Variants in SYCP1 observed in about 807,000 individuals in gnomAD.
SYCP1 encodes synaptonemal complex protein 1, also known as cancer/testis antigen 8.
A neutral mutation model predicts 153.1 loss-of-function variants in SYCP1; 64 were observed. The observed-to-expected ratio is 0.42, with a 90% CI of 0.34 to 0.51. The LOEUF (loss-of-function observed/expected upper bound fraction) is 0.51. SYCP1 is among the 20% of genes least tolerant of loss of function. The pLI, the probability that SYCP1 is intolerant of heterozygous loss-of-function variation, is 0.06. For synonymous variants in SYCP1, 384 were observed against 341.8 expected (o/e 1.12, Z -1.36); for missense variants, 997 against 1,049.0 (o/e 0.95, Z 0.68).
At chr1:114,926,440 C>A in intron 22 of SYCP1, 61 bp from the exon 23 acceptor site, 1 of 1,486,960 alleles carries the variant, frequency 6.7e-7, no homozygotes, top group South Asian at 1.4e-5. Context: ...AAGTCTAAGT[C>A]AGTAGCAAGG....
chr1:114,907,409 C>T (rs901497571), intron 16 of SYCP1, among the ~76,000 whole-genome samples: 2 of 151,970 alleles, frequency 1.3e-5, no homozygotes, highest in South Asian at 4.2e-4. Flanking sequence ...AAACTCTCTG[C>T]CTTCTTTTGG....
chr1:114,931,122 G>A (rs912019798), intron 23 of SYCP1, among the ~76,000 whole-genome samples: 1 of 151,770 alleles, frequency 6.6e-6, no homozygotes, highest in Admixed American at 6.6e-5. Flanking sequence ...GAATAGATAA[G>A]GACTTCTCCA....
chr1:114,931,384 A>G (rs1050695002), intron 23 of SYCP1, among the ~76,000 whole-genome samples: 7 of 152,142 alleles, frequency 4.6e-5, no homozygotes, highest in African/African-American at 1.7e-4. Context: ...GAATTTGACA[A>G]AGTCACTGGA....
At chr1:114,943,369 A>G (rs966401867) in intron 23 of SYCP1, among the ~76,000 whole-genome samples, 2 of 151,924 alleles carry the variant, frequency 1.3e-5, no homozygotes, top group Non-Finnish European at 2.9e-5. Context: ...AATTGATTAC[A>G]TAAACAGTGT....
In SYCP1 at chr1:114,895,702, C is replaced by T. The variant is rs1314483319; in HGVS notation, c.1320+193C>T. Among the ~76,000 whole-genome samples the T allele has an allele frequency of 3.7e-4, 57 of 152,026 alleles. 1 individual carries two copies. Among genetic ancestry groups the T allele is most frequent in the Admixed American group, 3.7e-3 (56 of 15,266 alleles). On this transcript the variant is annotated intron_variant, in intron 16 of 31. Coordinates refer to ENST00000369522, the MANE Select transcript of SYCP1 (RefSeq NM_003176.4). The stretch of plus-strand genomic sequence containing the variant: ...TATATACCTTGTTAACTGTCTTCAT[C>T]AAGCTGTTTATATCATTTGAATATG...
chr1:114,860,298 A>G (rs1305934391), intron 7 of SYCP1, among the ~76,000 whole-genome samples: 2 of 152,160 alleles, frequency 1.3e-5, no homozygotes, highest in Non-Finnish European at 2.9e-5. Flanking sequence ...CATCATTCAC[A>G]TAATGAATGC....
At chr1:114,951,756 A>G (rs1671122302) in intron 27 of SYCP1, among the ~76,000 whole-genome samples, 2 of 152,158 alleles carry the variant, frequency 1.3e-5, no homozygotes, top group Admixed American at 1.3e-4. Flanking sequence ...GAACAGTTCC[A>G]TCTCCATAAA....
chr1:114,856,476 T>C, intron 2 of SYCP1, 97 bp from the exon 3 acceptor site: 1 of 740,874 alleles, frequency 1.3e-6, no homozygotes, highest in Non-Finnish European at 2.0e-6. Context: ...TATAGTAACC[T>C]TTTTAAGCAG....
chr1:114,981,277 A>C, intron 28 of SYCP1, 59 bp from the exon 29 acceptor site: 1 of 1,318,032 alleles, frequency 7.6e-7, no homozygotes, highest in Non-Finnish European at 1.0e-6. Flanking sequence ...TAATTAAAGA[A>C]ATAAATAATT....
chr1:114,945,901 G>C (rs1388449992), intron 25 of SYCP1, among the ~76,000 whole-genome samples: 1 of 151,976 alleles, frequency 6.6e-6, no homozygotes, highest in African/African-American at 2.4e-5. Flanking sequence ...ATTTACATTA[G>C]GTATATCTCC....
chr1:114,977,575 G>A lies in SYCP1; in HGVS notation c.2341G>A (p.Ala781Thr), dbSNP rs1028467739. The A allele has an allele frequency of 6.7e-6, 10 of 1,494,476 alleles. No homozygotes were observed. In the Admixed American group the frequency reaches 9.2e-5, roughly 14 times the overall value. The allele number at this position is 1,494,476 out of a possible 1,614,324, so 92.6% of individuals were successfully genotyped here. Residue 781 changes from alanine (A) to threonine (T), a missense_variant, in exon 28 of 32, where the codon GCA becomes ACA. Around this residue, in one of 2 missense-constraint regions of SYCP1, gnomAD observed 712 missense variants for 682.9 expected, o/e 1.04. Transcript: ENST00000369522. Reference protein sequence around the residue: ...REEKEKLKREAKENTATLKEK... With the variant: ...REEKEKLKRETKENTATLKEK... ...TTAATAGGAAAAACTCAAAAGAGAG[G>A]CAAAAGAAAACACAGCTACTCTTAA... is the stretch of plus-strand genomic sequence containing the variant.
At chr1:114,890,858 C>A (rs1405706711) in intron 15 of SYCP1, among the ~76,000 whole-genome samples, 2 of 152,100 alleles carry the variant, frequency 1.3e-5, no homozygotes, top group South Asian at 2.1e-4. Flanking sequence ...TGAATCTTTT[C>A]CTTTTCTTGA....
intron 20 of SYCP1, among the ~76,000 whole-genome samples, chr1:114,919,519 A>G (rs1439604655): frequency 3.9e-5 from 6 of 151,948 alleles, no homozygotes; most frequent in African/African-American, 1.4e-4. Context: ...TGCCTCACAG[A>G]ATGAGTTTAG....
At chr1:114,901,174 C>T (rs957684170) in intron 16 of SYCP1, among the ~76,000 whole-genome samples, 2 of 152,068 alleles carry the variant, frequency 1.3e-5, no homozygotes, top group African/African-American at 4.8e-5. Context: ...TCCTGGGGTT[C>T]CATGAGGATA....
chr1:114,968,311 A>G (rs1378523670), intron 27 of SYCP1, among the ~76,000 whole-genome samples: 2 of 152,208 alleles, frequency 1.3e-5, no homozygotes, highest in Non-Finnish European at 1.5e-5. Context: ...ACTTTCAGGT[A>G]CACCAATCAA....
At chr1:114,922,377 A>G (rs988245768) in intron 20 of SYCP1, among the ~76,000 whole-genome samples, 1 of 152,102 alleles carries the variant, frequency 6.6e-6, no homozygotes, top group Non-Finnish European at 1.5e-5. Flanking sequence ...AAAAGAGGTT[A>G]ATTGGTTCAT....
Position 114,913,980 on chromosome 1 carries a change from CA to C in SYCP1, c.1658del (p.Lys553SerfsTer7). ...KNQQEDINNN[K>X]KQEERMLKQI... Reference sequence around the variant, plus strand: ...AAACAACATTATTTCTTTAGAATAACAAAAAGCAAGAAGAAAGGATGTTGAA... The same window carrying C: ...AAACAACATTATTTCTTTAGAATAACAAAAGCAAGAAGAAAGGATGTTGAA... On this transcript the variant is annotated frameshift_variant, in exon 20 of 32. Coordinates refer to ENST00000369522, the MANE Select transcript of SYCP1 (RefSeq NM_003176.4). LOFTEE classifies it high-confidence loss of function. 1 of 1,552,342 alleles carries C rather than the reference CA, an allele frequency of 6.4e-7. No homozygotes were observed. The highest frequency in any genetic ancestry group is 8.7e-7 in the Non-Finnish European group (1 of 1,150,132).
chr1:114,895,523 T>C lies in SYCP1; in HGVS notation c.1320+14T>C. 7.3e-7 allele frequency: 1 copy of C among 1,374,102 alleles called. No individual in the cohort carries two copies. Among genetic ancestry groups the C allele is most frequent in the Non-Finnish European group, 1.0e-6 (1 of 1,004,064 alleles). 85.1% of individuals were successfully genotyped at this position (1,374,102 alleles called of 1,614,324 possible). A position where few individuals can be genotyped will look rare whatever the true frequency, so the allele number is the denominator to read the frequency against. On this transcript the variant is annotated intron_variant, in intron 16 of 31. Transcript: ENST00000369522. Reference sequence around the variant, plus strand: ...AAAAAAGTCTTGGTAAGTATAGTCTTTCCTATTAATATATAGCAATTACTT... The same window carrying C: ...AAAAAAGTCTTGGTAAGTATAGTCTCTCCTATTAATATATAGCAATTACTT...
intron 16 of SYCP1, among the ~76,000 whole-genome samples, chr1:114,908,994 T>C (rs547380260): frequency 2.6e-5 from 4 of 152,332 alleles, no homozygotes; most frequent in African/African-American, 9.6e-5. Flanking sequence ...ATCTATCAGT[T>C]TGCTAGATTC....
Sources: gnomAD v4.1 joint callset for allele counts (sites outside exome capture counted in the v4.1 genomes callset) on GRCh38, gnomAD v4.1.1 for gene constraint, gnomAD v4.1.1 regional missense constraint, MANE v1.5 for transcripts, NCBI Gene and HGNC (gene_info 2026-07-23, HGNC 2026-07-21) for gene names.